Variants in AP1G1 observed in about 807,000 individuals in gnomAD.
AP1G1 encodes adaptor related protein complex 1 subunit gamma 1, also known as AP-1 complex subunit gamma-1.
Under a neutral mutation model 108.3 loss-of-function variants are expected in AP1G1, and 7 were observed. The ratio of observed to expected loss-of-function variants is 0.06; its 90% CI spans 0.04 to 0.12. The LOEUF is 0.12. Among genes scored for constraint, AP1G1 ranks in the 10% least tolerant of loss-of-function variants. AP1G1 has a pLI of 1.00. For synonymous variants in AP1G1, 379 were observed against 353.5 expected (o/e 1.07, Z -0.81); for missense variants, 756 against 1,010.7 (o/e 0.75, Z 3.42).
chr16:71,780,306 G>C (rs2031963877), intron 2 of AP1G1, among the ~76,000 whole-genome samples: 1 of 151,834 alleles, frequency 6.6e-6, no homozygotes, highest in African/African-American at 2.4e-5. Flanking sequence ...CTTAAACAAA[G>C]TTTTGTCTTA....
chr16:71,804,860 A>T (rs937030436), intron 1 of AP1G1, among the ~76,000 whole-genome samples: 2 of 152,072 alleles, frequency 1.3e-5, no homozygotes, highest in African/African-American at 4.8e-5. Context: ...CCACAAAAAA[A>T]TAATAAATCA....
At chr16:71,790,527 C>CA (rs56380847) in intron 1 of AP1G1, among the ~76,000 whole-genome samples, 45,868 of 104,454 alleles carry the variant, frequency 0.44, 8,576 homozygotes, top group East Asian at 0.78. Context: ...AACTCCATCT[C>CA]AAAAAAAAAA....
intron 19 of AP1G1, among the ~76,000 whole-genome samples, chr16:71,740,061 T>C (rs2045599573): frequency 6.6e-6 from 1 of 152,200 alleles, no homozygotes; most frequent in African/African-American, 2.4e-5. Context: ...TTCCAGATGT[T>C]GGCAAGAAGA....
intron 10 of AP1G1, among the ~76,000 whole-genome samples, chr16:71,760,405 C>T (rs931238655): frequency 1.3e-5 from 2 of 151,752 alleles, no homozygotes; most frequent in Non-Finnish European, 2.9e-5. Context: ...ATTAGCTGGG[C>T]GTGGTGGCGT....
At chr16:71,784,936 G>A (rs568187747) in intron 2 of AP1G1, among the ~76,000 whole-genome samples, 2 of 148,764 alleles carry the variant, frequency 1.3e-5, no homozygotes, top group South Asian at 4.4e-4. Flanking sequence ...TATGTAGCTT[G>A]TGTTTTATTT....
intron 19 of AP1G1, among the ~76,000 whole-genome samples, chr16:71,744,666 C>G (rs566329422): frequency 1.4e-5 from 2 of 145,984 alleles, no homozygotes; most frequent in Non-Finnish European, 3.0e-5. Context: ...ACCTCCGTCT[C>G]TCAGGTTCAA....
intron 5 of AP1G1, 46 bp from the exon 6 acceptor site, chr16:71,769,745 C>T: frequency 6.7e-7 from 1 of 1,501,408 alleles, no homozygotes; most frequent in East Asian, 2.3e-5. Context: ...GCCTATTATT[C>T]AATTTTATAG....
Position 71,733,041 on chromosome 16 carries a change from A to C in AP1G1, c.*17T>G. On this transcript the variant is annotated 3_prime_UTR_variant, in exon 23 of 23. Transcript: ENST00000299980. Reference sequence around the variant, plus strand: ...CTTTGATTGAGTGGGATAAAGAATGAGAATGGTGCCAAACCCTCATTGCCA... The same window carrying C: ...CTTTGATTGAGTGGGATAAAGAATGCGAATGGTGCCAAACCCTCATTGCCA... 6.3e-7 allele frequency: 1 copy of C among 1,595,992 alleles called. No individual in the cohort carries two copies. Among genetic ancestry groups the C allele is most frequent in the Non-Finnish European group, 8.6e-7 (1 of 1,165,754 alleles).
intron 9 of AP1G1, among the ~76,000 whole-genome samples, chr16:71,762,598 G>A (rs748312841): frequency 6.6e-6 from 1 of 152,128 alleles, no homozygotes; most frequent in Non-Finnish European, 1.5e-5. Flanking sequence ...AATCCCAAAT[G>A]GACAGGGTTC....
intron 19 of AP1G1, among the ~76,000 whole-genome samples, chr16:71,740,328 T>C (rs2045603264): frequency 6.6e-6 from 1 of 152,180 alleles, no homozygotes; most frequent in Non-Finnish European, 1.5e-5. Flanking sequence ...CAACCAAAAA[T>C]ATCTTCAGAC....
chr16:71,776,431 A>G lies in AP1G1; in HGVS notation c.202-1839T>C, dbSNP rs376392587. On this transcript the variant is annotated intron_variant, in intron 2 of 22. Coordinates refer to ENST00000299980, the MANE Select transcript of AP1G1 (RefSeq NM_001128.6). ...CACATTGAATTTAAATTTAAACAGC[A>G]ATTTCTGAAACAGAAGTTGATGAAA... Among the ~76,000 whole-genome samples, 51 of 152,338 alleles carry G rather than the reference A, an allele frequency of 3.3e-4. No homozygotes were observed. The South Asian group carries it at 0.011, about 32-fold the overall frequency.
intron 10 of AP1G1, among the ~76,000 whole-genome samples, chr16:71,759,906 C>A: frequency 6.6e-6 from 1 of 151,740 alleles, no homozygotes. Flanking sequence ...CCCCAAAATG[C>A]AATTTTACTT....
In AP1G1 at chr16:71,807,990, AC is replaced by A; in HGVS notation, c.-4+772del. 15 of 1,223,770 alleles carry A rather than the reference AC, an allele frequency of 1.2e-5. No individual in the cohort carries two copies. In the South Asian group the frequency reaches 2.0e-4, roughly 17 times the overall value. 75.8% of individuals were successfully genotyped at this position (1,223,770 alleles called of 1,614,324 possible). On this transcript the variant is annotated intron_variant, in intron 1 of 22. Coordinates refer to ENST00000299980, the MANE Select transcript of AP1G1 (RefSeq NM_001128.6). ...AAAAGCCATTTAATCTGCTTCATAA[AC>A]ATAATCTGCTTCATAAACATTACCC...
At chr16:71,750,061 A>G in intron 14 of AP1G1, 78 bp from the exon 15 acceptor site, 2 of 1,483,738 alleles carry the variant, frequency 1.3e-6, no homozygotes, top group South Asian at 1.1e-5. Context: ...AGGTCATCTC[A>G]TAATAAAGAT....
chr16:71,807,603 C>T (rs1170889699), intron 1 of AP1G1, among the ~76,000 whole-genome samples: 1 of 152,124 alleles, frequency 6.6e-6, no homozygotes, highest in Non-Finnish European at 1.5e-5. Flanking sequence ...TTCTAGGGAA[C>T]GGTGGAAGTG....
intron 2 of AP1G1, among the ~76,000 whole-genome samples, chr16:71,782,483 T>TTAC (rs1051511468): frequency 2.7e-5 from 4 of 149,760 alleles, no homozygotes; most frequent in Admixed American, 2.7e-4. Context: ...ATTATTATTA[T>TTAC]TATTATTTTT....
At chr16:71,807,742 A>C in intron 1 of AP1G1, 3 of 1,130,644 alleles carry the variant, frequency 2.7e-6, no homozygotes, top group East Asian at 5.8e-5. Flanking sequence ...AGAAAGCACT[A>C]ACTCCTCCCT....
intron 1 of AP1G1, among the ~76,000 whole-genome samples, chr16:71,793,326 T>C (rs2142263771): frequency 6.6e-6 from 1 of 152,034 alleles, no homozygotes; most frequent in Non-Finnish European, 1.5e-5. Context: ...GAGTGACACA[T>C]CAACACACTA....
chr16:71,765,360 TATTC>T, intron 7 of AP1G1, 125 bp downstream of exon 7: 1 of 603,494 alleles, frequency 1.7e-6, no homozygotes, highest in Non-Finnish European at 2.9e-6. Context: ...ATTGTGTCAC[TATTC>T]ATTAATATAA....
Sources: gnomAD v4.1 joint callset for allele counts (sites outside exome capture counted in the v4.1 genomes callset) on GRCh38, gnomAD v4.1.1 for gene constraint, MANE v1.5 for transcripts, NCBI Gene and HGNC (gene_info 2026-07-23, HGNC 2026-07-21) for gene names.